Variants in ATXN7L1 observed in about 807,000 individuals in gnomAD.
The protein encoded by ATXN7L1 is ataxin 7 like 1.
ATXN7L1 carries 15 observed loss-of-function variants against 70.8 expected under a neutral mutation model. The ratio of observed to expected loss-of-function variants is 0.21; its 90% CI spans 0.14 to 0.33. The LOEUF (loss-of-function observed/expected upper bound fraction) is 0.33, where lower values mean the gene tolerates loss of function less well. Ranked by LOEUF, ATXN7L1 falls within the 10% of genes least tolerant of loss-of-function variation. The pLI is 1.00. For missense variants in ATXN7L1, 975 were observed against 1,097.1 expected, an observed-to-expected ratio of 0.89 and a Z score of 1.57; for synonymous variants, 440 against 445.1, an observed-to-expected ratio of 0.99 and a Z score of 0.14.
chr7:105,860,063 G>C (rs1816341138), intron 2 of ATXN7L1, among the ~76,000 whole-genome samples: 1 of 147,418 alleles, frequency 6.8e-6, no homozygotes, highest in South Asian at 2.1e-4. Flanking sequence ...TTACAGGCAT[G>C]AGTCACGATG....
chr7:105,792,892 A>C (rs1805458882), intron 2 of ATXN7L1, among the ~76,000 whole-genome samples: 1 of 152,184 alleles, frequency 6.6e-6, no homozygotes, highest in Non-Finnish European at 1.5e-5. Flanking sequence ...CTGTTGACAT[A>C]TTAATATATA....
intron 2 of ATXN7L1, among the ~76,000 whole-genome samples, chr7:105,838,906 G>C (rs780353309): frequency 6.6e-6 from 1 of 152,170 alleles, no homozygotes; most frequent in Non-Finnish European, 1.5e-5. Flanking sequence ...AAAGACTCTA[G>C]GAACCTCAGT....
At chr7:105,832,849 A>T (rs1003401727) in intron 2 of ATXN7L1, among the ~76,000 whole-genome samples, 1 of 152,156 alleles carries the variant, frequency 6.6e-6, no homozygotes, top group Non-Finnish European at 1.5e-5. Context: ...TCTCTTGCCC[A>T]CATCCCACCT....
intron 3 of ATXN7L1, among the ~76,000 whole-genome samples, chr7:105,754,085 C>T (rs1219834500): frequency 6.6e-6 from 1 of 152,048 alleles, no homozygotes; most frequent in Non-Finnish European, 1.5e-5. Flanking sequence ...TGGGAAAATA[C>T]TTCTATGACC....
chr7:105,680,585 G>A (rs1249948927), intron 3 of ATXN7L1, among the ~76,000 whole-genome samples: 1 of 152,180 alleles, frequency 6.6e-6, no homozygotes, highest in African/African-American at 2.4e-5. Flanking sequence ...ACCAGCCCTC[G>A]TTTTCAGTCA....
At chr7:105,853,708 G>A (rs1032580575) in intron 2 of ATXN7L1, among the ~76,000 whole-genome samples, 7 of 152,168 alleles carry the variant, frequency 4.6e-5, no homozygotes, top group Non-Finnish European at 5.9e-5. Flanking sequence ...AGGTTGCAGC[G>A]AGCAGAGATT....
chr7:105,618,572 G>T (rs1382992610), intron 9 of ATXN7L1, among the ~76,000 whole-genome samples: 1 of 152,178 alleles, frequency 6.6e-6, no homozygotes, highest in African/African-American at 2.4e-5. Flanking sequence ...CTGCCTGGGG[G>T]AGAGGAGGAA....
intron 7 of ATXN7L1, among the ~76,000 whole-genome samples, chr7:105,635,693 G>A (rs1797249151): frequency 6.6e-6 from 1 of 152,182 alleles, no homozygotes; most frequent in South Asian, 2.1e-4. Context: ...TCCCTGACAA[G>A]AATGGGTTGC....
intron 3 of ATXN7L1, among the ~76,000 whole-genome samples, chr7:105,713,798 C>T (rs1410135024): frequency 1.4e-5 from 2 of 143,608 alleles, no homozygotes; most frequent in Non-Finnish European, 3.1e-5. Flanking sequence ...CCAGGGTAAG[C>T]CTTAAAGATC....
chr7:105,872,097 A>C (rs1445503042), intron 2 of ATXN7L1, among the ~76,000 whole-genome samples: 2 of 151,032 alleles, frequency 1.3e-5, no homozygotes, highest in Non-Finnish European at 2.9e-5. Flanking sequence ...GGTTCACGCC[A>C]TTCTCCTGCC....
At chr7:105,644,286 C>T (rs1375091819) in intron 4 of ATXN7L1, among the ~76,000 whole-genome samples, 1 of 152,182 alleles carries the variant, frequency 6.6e-6, no homozygotes, top group Non-Finnish European at 1.5e-5. Flanking sequence ...TTTTAGCCCC[C>T]TCTCAGCCCC....
intron 2 of ATXN7L1, among the ~76,000 whole-genome samples, chr7:105,789,873 C>T (rs1804880992): frequency 6.6e-6 from 1 of 151,838 alleles, no homozygotes; most frequent in South Asian, 2.1e-4. Flanking sequence ...TGGATGTTCA[C>T]AGCAGCATTA....
intron 4 of ATXN7L1, among the ~76,000 whole-genome samples, chr7:105,661,121 G>A (rs1244215607): frequency 6.6e-6 from 1 of 152,158 alleles, no homozygotes; most frequent in Non-Finnish European, 1.5e-5. Context: ...AGTGGATGAA[G>A]GCCATTAGTC....
At chr7:105,671,276 C>T (rs929628488) in intron 3 of ATXN7L1, among the ~76,000 whole-genome samples, 2 of 129,138 alleles carry the variant, frequency 1.5e-5, no homozygotes, top group African/African-American at 2.9e-5. Flanking sequence ...AGTGAGACTC[C>T]GTCTCAAAAA....
At chr7:105,748,654 C>G (rs1798851232) in intron 3 of ATXN7L1, among the ~76,000 whole-genome samples, 2 of 152,152 alleles carry the variant, frequency 1.3e-5, no homozygotes, top group African/African-American at 4.8e-5. Context: ...GAGGCTCACC[C>G]TCCTGCTTCC....
At chr7:105,816,625 G>A (rs768122334) in intron 2 of ATXN7L1, among the ~76,000 whole-genome samples, 4 of 152,182 alleles carry the variant, frequency 2.6e-5, no homozygotes, top group African/African-American at 7.2e-5. Context: ...TCCCAACATC[G>A]CTGCCACCTT....
At chr7:105,724,405 C>T (rs895332884) in intron 3 of ATXN7L1, among the ~76,000 whole-genome samples, 6 of 151,390 alleles carry the variant, frequency 4.0e-5, no homozygotes, top group African/African-American at 1.2e-4. Context: ...AAAACCCCAT[C>T]TCTACTAAAA....
intron 6 of ATXN7L1, 137 bp from the exon 7 acceptor site, chr7:105,638,746 T>C: frequency 7.0e-6 from 8 of 1,148,280 alleles, no homozygotes; most frequent in Non-Finnish European, 9.6e-6. Context: ...CAACAGCTCC[T>C]GTTCTGTGGC....
intron 3 of ATXN7L1, among the ~76,000 whole-genome samples, chr7:105,671,175 C>T (rs1437078986): frequency 1.4e-5 from 2 of 147,052 alleles, no homozygotes; most frequent in East Asian, 4.1e-4. Flanking sequence ...CTCAGCTACT[C>T]AGGAGGCTGC....
Sources: allele counts gnomAD v4.1 joint callset (sites outside exome capture counted in the v4.1 genomes callset), GRCh38; gene constraint gnomAD v4.1.1; transcripts MANE v1.5; gene names NCBI Gene and HGNC (gene_info 2026-07-23, HGNC 2026-07-21).